CHD9NB: variants seen among roughly 807,000 people sequenced by gnomAD.
CHD9NB encodes CHD9 neighbor, also known as CHD9 neighbor protein.
At chr16:53,038,543 GT>G in the CHD9NB span, among the ~76,000 whole-genome samples, 2 of 152,098 alleles carry the variant, frequency 1.3e-5, no homozygotes, top group South Asian at 2.1e-4. Context: ...TAGAGACGAG[GT>G]TTTGCCATGT....
the CHD9NB span, among the ~76,000 whole-genome samples, chr16:53,038,207 C>G: frequency 3.9e-5 from 6 of 151,982 alleles, no homozygotes; most frequent in African/African-American, 1.2e-4. Flanking sequence ...ATTAGATTAA[C>G]GACAGTGGGT....
At chr16:53,045,718 C>CTTTA in the CHD9NB span, among the ~76,000 whole-genome samples, 1 of 152,172 alleles carries the variant, frequency 6.6e-6, no homozygotes, top group African/African-American at 2.4e-5. Context: ...TTTACACAGA[C>CTTTA]CTTCTTGGTT....
At chr16:53,040,664 G>A in the CHD9NB span, among the ~76,000 whole-genome samples, 2 of 152,196 alleles carry the variant, frequency 1.3e-5, no homozygotes, top group African/African-American at 4.8e-5. Flanking sequence ...GTTTGGCATA[G>A]AGTAGTTGCC....
the CHD9NB span, among the ~76,000 whole-genome samples, chr16:53,037,664 G>C: frequency 6.6e-6 from 1 of 152,174 alleles, no homozygotes; most frequent in African/African-American, 2.4e-5. Flanking sequence ...TCAGATAAGG[G>C]AAGTTCAGAT....
At chr16:53,036,734 A>G in the CHD9NB span, among the ~76,000 whole-genome samples, 3 of 152,234 alleles carry the variant, frequency 2.0e-5, no homozygotes, top group African/African-American at 7.2e-5. Context: ...ACCAAAACTC[A>G]TACCCTGTAG....
At chr16:53,050,279 G>A in the CHD9NB span, among the ~76,000 whole-genome samples, 1 of 152,280 alleles carries the variant, frequency 6.6e-6, no homozygotes, top group African/African-American at 2.4e-5. Flanking sequence ...AGCCAAGGTA[G>A]GTGGATGGCT....
the CHD9NB span, among the ~76,000 whole-genome samples, chr16:53,041,898 C>A: frequency 1.3e-5 from 2 of 152,194 alleles, no homozygotes; most frequent in African/African-American, 2.4e-5. Context: ...TCCTGGCCTG[C>A]AGCAAGCTTA....
the CHD9NB span, chr16:53,042,790 T>C: frequency 6.6e-6 from 1 of 152,370 alleles, no homozygotes; most frequent in East Asian, 1.9e-4. Flanking sequence ...CTCTCTGCTT[T>C]AAGAAGCACT....
chr16:53,049,322 T>TTGTGTGTGTGTGTG, the CHD9NB span, among the ~76,000 whole-genome samples: 204 of 144,998 alleles, frequency 1.4e-3, 1 homozygote, highest in African/African-American at 5.0e-3. Context: ...CCCCCAGCTG[T>TTGTGTGTGTGTGTG]TGTGTGTGTG....
chr16:53,042,789 T>C, the CHD9NB span: 1 of 152,230 alleles, frequency 6.6e-6, no homozygotes, highest in Non-Finnish European at 1.5e-5. Flanking sequence ...GCTCTCTGCT[T>C]TAAGAAGCAC....
At chr16:53,036,838 C>T in the CHD9NB span, among the ~76,000 whole-genome samples, 1 of 152,204 alleles carries the variant, frequency 6.6e-6, no homozygotes. Flanking sequence ...CCCTTGTTCC[C>T]TTTTGCCTTT....
At chr16:53,037,111 T>C in the CHD9NB span, among the ~76,000 whole-genome samples, 1 of 152,186 alleles carries the variant, frequency 6.6e-6, no homozygotes, top group African/African-American at 2.4e-5. Flanking sequence ...AATTTTTGTA[T>C]TTTTAATAGA....
chr16:53,044,153 C>A, the CHD9NB span: 2 of 398,618 alleles, frequency 5.0e-6, no homozygotes, highest in African/African-American at 2.1e-5. Context: ...TGGAGTGGCA[C>A]CCCATCTCAG....
At chr16:53,043,306 A>T in the CHD9NB span, 7 of 152,112 alleles carry the variant, frequency 4.6e-5, no homozygotes, top group African/African-American at 1.7e-4. Context: ...TAGCAGAGGG[A>T]CCTTTCTTGG....
the CHD9NB span, among the ~76,000 whole-genome samples, chr16:53,042,386 C>T: frequency 2.0e-5 from 3 of 150,168 alleles, no homozygotes; most frequent in African/African-American, 7.4e-5. Flanking sequence ...CTTTCTCTCC[C>T]TCTCCTTCTT....
At chr16:53,051,683 G>A in the CHD9NB span, among the ~76,000 whole-genome samples, 2 of 149,594 alleles carry the variant, frequency 1.3e-5, no homozygotes, top group Non-Finnish European at 3.0e-5. Context: ...ACAAGTTAAT[G>A]GGTGCAGCAC....
chr16:53,045,714 CAG>C, the CHD9NB span, among the ~76,000 whole-genome samples: 1 of 152,226 alleles, frequency 6.6e-6, no homozygotes, highest in African/African-American at 2.4e-5. Context: ...GCACTTTACA[CAG>C]ACCTTCTTGG....
chr16:53,050,460 A>G, the CHD9NB span, among the ~76,000 whole-genome samples: 3 of 152,126 alleles, frequency 2.0e-5, no homozygotes, highest in Non-Finnish European at 4.4e-5. Context: ...GTGAACCAAG[A>G]TCACACCACT....
At chr16:53,044,349 C>G in the CHD9NB span, 1 of 393,234 alleles carries the variant, frequency 2.5e-6, no homozygotes, top group Admixed American at 4.4e-5. Flanking sequence ...TGGGCAGGGC[C>G]TGGAGAGCTG....
Sources: gnomAD v4.1 joint callset for allele counts (sites outside exome capture counted in the v4.1 genomes callset) on GRCh38, gnomAD v4.1.1 for gene constraint, MANE v1.5 for transcripts, NCBI Gene and HGNC (gene_info 2026-07-23, HGNC 2026-07-21) for gene names.